CRYBG2: variants seen among roughly 807,000 people sequenced by gnomAD.
CRYBG2 encodes the protein crystallin beta-gamma domain containing 2, also known as beta/gamma crystallin domain-containing protein 2.
Under a neutral mutation model 153.4 loss-of-function variants are expected in CRYBG2, and 106 were observed. The observed-to-expected ratio is 0.69, with a 90% CI of 0.59 to 0.81. The LOEUF (loss-of-function observed/expected upper bound fraction) is 0.81. CRYBG2 is among the 30% of genes least tolerant of loss of function. The probability of loss-of-function intolerance (pLI) is 0.00; values close to 1 mark genes in which losing one functional copy is unlikely to be tolerated. For missense variants in CRYBG2, 1,996 were observed against 2,112.0 expected, an observed-to-expected ratio of 0.95 and a Z score of 1.08; for synonymous variants, 851 against 877.8, an observed-to-expected ratio of 0.97 and a Z score of 0.54.
At chr1:26,328,390 C>G in intron 16 of CRYBG2, 58 bp from the exon 17 acceptor site, 1 of 1,541,150 alleles carries the variant, frequency 6.5e-7, no homozygotes, top group Admixed American at 2.0e-5. Flanking sequence ...GACAGACAGA[C>G]AGGTGGAGGA....
Position 26,346,689 on chromosome 1 carries a change from C to T in CRYBG2, c.-32G>A. 1 of 1,490,178 alleles carries T rather than the reference C, an allele frequency of 6.7e-7. No individual in the cohort carries two copies. The highest frequency in any genetic ancestry group is 8.9e-7 in the Non-Finnish European group (1 of 1,118,066). 92.3% of individuals were successfully genotyped at this position (1,490,178 alleles called of 1,614,324 possible). A position where few individuals can be genotyped will look rare whatever the true frequency, so the allele number is the denominator to read the frequency against. On this transcript the variant is annotated 5_prime_UTR_variant, in exon 2 of 20. Transcript: ENST00000308182. This position sits in a 1 kb window ranked among gnomAD's most constrained non-coding sequence, Gnocchi z 4.9. ...CCCTGGCAACCTGTCTGGAGGTGTC[C>T]TTGTCCCACTGTGGTCCAGCTCCCT...
Position 26,345,583 on chromosome 1 carries a change from T to A in CRYBG2, c.1075A>T (p.Thr359Ser). 6.2e-7 allele frequency: 1 copy of A among 1,603,220 alleles called. No individual in the cohort carries two copies. The highest frequency in any genetic ancestry group is 8.5e-7 in the Non-Finnish European group (1 of 1,179,430). ...ASVPSSPRLETHVPSPGLTHP... is the reference protein window; with the variant it reads ...ASVPSSPRLESHVPSPGLTHP... Reference sequence around the variant, plus strand: ...GTTAGGCCAGGAGAGGGGACATGGGTCTCGAGTCTGGGAGAGGAGGGGACT... The same window carrying A: ...GTTAGGCCAGGAGAGGGGACATGGGACTCGAGTCTGGGAGAGGAGGGGACT... Residue 359 changes from threonine (T) to serine (S), a missense_variant, in exon 2 of 20, where the codon ACC becomes TCC. By Grantham distance (58) the Thr-to-Ser change is moderately conservative. Transcript: ENST00000308182.
intron 1 of CRYBG2, among the ~76,000 whole-genome samples, chr1:26,347,617 G>C (rs924250069): frequency 7.9e-5 from 12 of 151,934 alleles, no homozygotes; most frequent in African/African-American, 2.9e-4. Flanking sequence ...GCCTCCCCAA[G>C]TAGCTGGGAC....
In CRYBG2 at chr1:26,321,867, C is replaced by G. The variant is rs1346037156; in HGVS notation, c.*101G>C. The G allele has an allele frequency of 7.6e-6, 8 of 1,050,094 alleles. No homozygotes were observed. The highest frequency in any genetic ancestry group is 4.5e-4 in the Middle Eastern group (2 of 4,428). 65.0% of individuals were successfully genotyped at this position (1,050,094 alleles called of 1,614,324 possible). The stretch of plus-strand genomic sequence containing the variant: ...ATCAAGGTGCACAGAGACAAGGGTA[C>G]CTGGCAGCATATTAGAAAATAGCTT... On this transcript the variant is annotated 3_prime_UTR_variant, in exon 20 of 20. Coordinates refer to ENST00000308182, the MANE Select transcript of CRYBG2 (RefSeq NM_001039775.4).
intron 16 of CRYBG2, 86 bp downstream of exon 16, chr1:26,328,648 G>A: frequency 6.6e-7 from 1 of 1,510,340 alleles, no homozygotes; most frequent in Non-Finnish European, 8.9e-7. Context: ...GGAGGGGAAA[G>A]AGGCCAGAGA....
rs991426467 is a variant in CRYBG2 at position 26,337,582 on chromosome 1, G to T, written c.3600C>A (p.Ser1200Arg). 5 of 1,612,964 alleles carry T rather than the reference G, an allele frequency of 3.1e-6. No individual in the cohort carries two copies. Among genetic ancestry groups the T allele is most frequent in the Admixed American group, 1.7e-5 (1 of 59,990 alleles). The change falls in exon 9 of 20, where the codon AGC (serine) becomes AGA (arginine). Residue 1200 changes from serine to arginine, a missense_variant. Physicochemically the swap from Ser to Arg is moderately radical, Grantham distance 110 (BLOSUM62 -1). Coordinates refer to ENST00000308182, the MANE Select transcript of CRYBG2 (RefSeq NM_001039775.4). ...GGGACCCCACAGAGGCCAGGTGGGG[G>T]CTCTGGCTGTCCTCTGGCTGCTGAA... The part of the protein sequence containing the change: ...YNLQQPEDSQ[S>R]PHLASVGSLR...
rs991426467 is a variant in CRYBG2 at position 26,337,582 on chromosome 1, G to A, written c.3600C>T (p.Ser1200=). 6.2e-7 allele frequency: 1 copy of A among 1,613,084 alleles called. No individual in the cohort carries two copies. Among genetic ancestry groups the A allele is most frequent in the Admixed American group, 1.7e-5 (1 of 60,010 alleles). ...YNLQQPEDSQ[S]PHLASVGSLR... ...GGGACCCCACAGAGGCCAGGTGGGG[G>A]CTCTGGCTGTCCTCTGGCTGCTGAA... The change falls in exon 9 of 20, where the codon AGC becomes AGT. Residue 1200 remains serine, a synonymous_variant. Transcript: ENST00000308182.
intron 1 of CRYBG2, among the ~76,000 whole-genome samples, chr1:26,347,926 G>A (rs1222878909): frequency 2.0e-5 from 3 of 151,970 alleles, no homozygotes; most frequent in Non-Finnish European, 2.9e-5. Flanking sequence ...ACTGTGCCTG[G>A]CCTAACTTTT....
At chr1:26,334,756 C>G (rs1014879561) in intron 14 of CRYBG2, among the ~76,000 whole-genome samples, 1 of 151,874 alleles carries the variant, frequency 6.6e-6, no homozygotes, top group Non-Finnish European at 1.5e-5. Context: ...AACCCCATCT[C>G]TACTAAAAAT....
Position 26,345,672 on chromosome 1 carries a change from C to T in CRYBG2, c.986G>A (p.Trp329Ter), listed in dbSNP as rs1032083858. The change falls in exon 2 of 20, where the codon TGG becomes TAG. Residue 329 changes from tryptophan to a stop codon, truncating the protein, a stop_gained. Coordinates refer to ENST00000308182, the MANE Select transcript of CRYBG2 (RefSeq NM_001039775.4). LOFTEE classifies it high-confidence loss of function. ...GGAACTGGGGGCTCCCAGCACCTGCCAGAGCTCACAGGCCCTGGCATCCGG... is the reference window on the plus strand; with the variant it reads ...GGAACTGGGGGCTCCCAGCACCTGCTAGAGCTCACAGGCCCTGGCATCCGG... ...RAPDARACEL[W>*]QVLGAPSSTE... The T allele has an allele frequency of 1.9e-6, 3 of 1,598,498 alleles. No homozygotes were observed. The African/African-American group carries it at 4.0e-5, about 21-fold the overall frequency.
At position 26,328,413 on chromosome 1, in the gene CRYBG2, G is replaced by A. The variant is rs2073959071; in HGVS notation, c.4455-81C>T. 1.1e-5 allele frequency: 16 copies of A among 1,514,562 alleles called. No individual in the cohort carries two copies. In the South Asian group the frequency reaches 1.2e-4, roughly 12 times the overall value. 93.8% of individuals were successfully genotyped at this position (1,514,562 alleles called of 1,614,324 possible). A position where few individuals can be genotyped will look rare whatever the true frequency, so the allele number is the denominator to read the frequency against. The stretch of plus-strand genomic sequence containing the variant: ...GACAGGTGGAGGAGGAGACACAGAC[G>A]TCAAAACGTTCTCCACCTCCTCTTC... On this transcript the variant is annotated intron_variant, in intron 16 of 19. Transcript: ENST00000308182.
In CRYBG2 at chr1:26,324,334, G is replaced by A. The variant is rs749907089; in HGVS notation, c.4579-24C>T. The A allele has an allele frequency of 1.8e-5, 28 of 1,587,490 alleles. No individual in the cohort carries two copies. In the South Asian group the frequency reaches 2.9e-4, roughly 16 times the overall value. On this transcript the variant is annotated intron_variant, in intron 17 of 19. Coordinates refer to ENST00000308182, the MANE Select transcript of CRYBG2 (RefSeq NM_001039775.4). ...CGCTGGTGGCAGAAAGAGGCTGAGA[G>A]TCAGGGGTGCCGGGGAGGGATGACC...
chr1:26,338,455 A>G lies in CRYBG2; in HGVS notation c.3367T>C (p.Leu1123=). The G allele has an allele frequency of 6.2e-7, 1 of 1,612,032 alleles. No homozygotes were observed. Among genetic ancestry groups the G allele is most frequent in the Non-Finnish European group, 8.5e-7 (1 of 1,179,046 alleles). ...AGLWLLYPKP[L]FEDTPYILEP... is the part of the protein sequence containing the mutation. The stretch of plus-strand genomic sequence containing the variant: ...AGGATGTAGGGAGTGTCTTCGAATA[A>G]TGGTTTGGGGTACAGTAGCCACCTA... Residue 1123 remains leucine (L), a synonymous_variant, in exon 7 of 20, where the codon TTA becomes CTA. Coordinates refer to ENST00000308182, the MANE Select transcript of CRYBG2 (RefSeq NM_001039775.4).
In CRYBG2 at chr1:26,346,271, C is replaced by T; in HGVS notation, c.387G>A (p.Arg129=). ...DQSDGSRQAP[R]TEPPCVGAMA... ...TAGCTCCCACACATGGGGGCTCAGT[C>T]CTGGGAGCTTGGCGGCTGCCATCAC... is the stretch of plus-strand genomic sequence containing the variant. Residue 129 remains arginine, a synonymous_variant, in exon 2 of 20, where the codon AGG becomes AGA. Coordinates refer to ENST00000308182, the MANE Select transcript of CRYBG2 (RefSeq NM_001039775.4). The surrounding 1 kb of genome is among the most constrained non-coding windows in gnomAD (Gnocchi z 4.9). 1.3e-6 allele frequency: 2 copies of T among 1,593,644 alleles called. No homozygotes were observed. Among genetic ancestry groups the T allele is most frequent in the Non-Finnish European group, 1.7e-6 (2 of 1,176,262 alleles).
Position 26,336,441 on chromosome 1 carries a change from T to A in CRYBG2, c.4039-71A>T. 1.9e-6 allele frequency: 3 copies of A among 1,584,708 alleles called. No individual in the cohort carries two copies. Among genetic ancestry groups the A allele is most frequent in the Non-Finnish European group, 2.6e-6 (3 of 1,165,454 alleles). ...TAGCCTTGTCTTCTCTAGGTTTCAG[T>A]ACCGTCCACCCCGCGGCCGCGCCCT... On this transcript the variant is annotated intron_variant, in intron 12 of 19. Transcript: ENST00000308182. The surrounding 1 kb of genome is among the most constrained non-coding windows in gnomAD (Gnocchi z 4.9).
At position 26,336,681 on chromosome 1, in the gene CRYBG2, C is replaced by A. The variant is rs1220072250; in HGVS notation, c.3963G>T (p.Glu1321Asp). ...CCTCGCAGTTACGATACACGCCCTTCTCCAGCACGTACTGTTCCCCGGAGA... is the reference window on the plus strand; with the variant it reads ...CCTCGCAGTTACGATACACGCCCTTATCCAGCACGTACTGTTCCCCGGAGA... ...VGFSGEQYVLEKGVYRNCEDW... is the reference protein window; with the variant it reads ...VGFSGEQYVLDKGVYRNCEDW... Residue 1321 changes from glutamate to aspartate, a missense_variant, in exon 12 of 20, where the codon GAG becomes GAT. By Grantham distance (45) the Glu-to-Asp change is conservative. Coordinates refer to ENST00000308182, the MANE Select transcript of CRYBG2 (RefSeq NM_001039775.4). The surrounding 1 kb of genome is among the most constrained non-coding windows in gnomAD (Gnocchi z 4.9). 4 of 1,563,372 alleles carry A rather than the reference C, an allele frequency of 2.6e-6. No homozygotes were observed. Among genetic ancestry groups the A allele is most frequent in the Non-Finnish European group, 3.5e-6 (4 of 1,153,506 alleles).
chr1:26,336,176 C>T lies in CRYBG2; in HGVS notation c.4103G>A (p.Gly1368Asp). ...IQLFSRPDFL[G>D]DHFSFEDDQA... The stretch of plus-strand genomic sequence containing the variant: ...GTCATCTTCGAAAGAGAAGTGGTCG[C>T]CCAGAAAGTCGGGGCGGGAGAAAAG... Residue 1368 changes from glycine to aspartate, a missense_variant, in exon 14 of 20, where the codon GGC becomes GAC. By Grantham distance (94) the Gly-to-Asp change is moderately conservative. Transcript: ENST00000308182. The surrounding 1 kb of genome is among the most constrained non-coding windows in gnomAD (Gnocchi z 4.9). 1 of 1,549,778 alleles carries T rather than the reference C, an allele frequency of 6.5e-7. No individual in the cohort carries two copies. Among genetic ancestry groups the T allele is most frequent in the Non-Finnish European group, 8.7e-7 (1 of 1,144,500 alleles).
chr1:26,352,839 G>A (rs2074301053), intron 1 of CRYBG2, among the ~76,000 whole-genome samples: 1 of 149,160 alleles, frequency 6.7e-6, no homozygotes, highest in African/African-American at 2.5e-5. Context: ...CTGACTTCTG[G>A]GGCATCCAAG....
At chr1:26,328,562 C>T in intron 16 of CRYBG2, 172 bp downstream of exon 16, 1 of 1,165,026 alleles carries the variant, frequency 8.6e-7, no homozygotes, top group Non-Finnish European at 1.2e-6. Flanking sequence ...GGGGTCTAAG[C>T]CCTGAGAGCC....
Sources: gnomAD v4.1 joint callset for allele counts (sites outside exome capture counted in the v4.1 genomes callset) on GRCh38, gnomAD v4.1.1 for gene constraint, Gnocchi (gnomAD v3.1) non-coding constraint, MANE v1.5 for transcripts, NCBI Gene and HGNC (gene_info 2026-07-23, HGNC 2026-07-21) for gene names.